Variants in CSMD1 observed in about 807,000 individuals in gnomAD.
CSMD1 encodes CUB and Sushi multiple domains 1.
A neutral mutation model predicts 417.5 loss-of-function variants in CSMD1; 213 were observed. That is an observed-to-expected ratio of 0.51 (90% CI 0.46 to 0.57). The LOEUF is 0.57. Among genes scored for constraint, CSMD1 ranks in the 20% least tolerant of loss-of-function variants. CSMD1 has a pLI of 0.00. For synonymous variants in CSMD1, 2,862 were observed against 1,736.8 expected, an observed-to-expected ratio of 1.65 and a Z score of -16.11; for missense variants, 6,923 against 4,529.7, an observed-to-expected ratio of 1.53 and a Z score of -15.17.
intron 5 of CSMD1, among the ~76,000 whole-genome samples, chr8:3,909,568 C>G (rs867160313): frequency 2.0e-5 from 3 of 152,050 alleles, no homozygotes; most frequent in Admixed American, 6.5e-5. Context: ...AGGTGGGTGC[C>G]TTTTCGTGGC....
intron 1 of CSMD1, among the ~76,000 whole-genome samples, chr8:4,862,636 C>A (rs1802204498): frequency 6.6e-6 from 1 of 151,804 alleles, no homozygotes; most frequent in Admixed American, 6.6e-5. Context: ...AAACAGAAAC[C>A]AAGGAGGACA....
chr8:4,121,495 C>T (rs1039983820), intron 3 of CSMD1, among the ~76,000 whole-genome samples: 2 of 152,028 alleles, frequency 1.3e-5, no homozygotes, highest in Admixed American at 6.6e-5. Flanking sequence ...CTATTTCTCA[C>T]TATAATAATA....
chr8:4,948,689 T>C (rs1382444038), intron 1 of CSMD1, among the ~76,000 whole-genome samples: 1 of 152,206 alleles, frequency 6.6e-6, no homozygotes. Flanking sequence ...TTAAATAATT[T>C]GTGTGTATAA....
At chr8:3,032,577 A>C (rs192366818) in intron 50 of CSMD1, among the ~76,000 whole-genome samples, 100 of 152,146 alleles carry the variant, frequency 6.6e-4, no homozygotes, top group African/African-American at 2.2e-3. Context: ...TCAAATAAAA[A>C]CAGAACATTT....
At chr8:3,238,481 G>A (rs1009495263) in intron 26 of CSMD1, among the ~76,000 whole-genome samples, 1 of 152,000 alleles carries the variant, frequency 6.6e-6, no homozygotes, top group Admixed American at 6.6e-5. Flanking sequence ...AATTTTTGGG[G>A]GTGGTATGGA....
intron 3 of CSMD1, among the ~76,000 whole-genome samples, chr8:4,180,715 C>A (rs999288086): frequency 1.3e-5 from 2 of 152,144 alleles, no homozygotes; most frequent in African/African-American, 4.8e-5. Context: ...TGGAACTCAC[C>A]TTAGAAAAAT....
chr8:4,931,072 C>T (rs1807216076), intron 1 of CSMD1, among the ~76,000 whole-genome samples: 1 of 152,138 alleles, frequency 6.6e-6, no homozygotes, highest in African/African-American at 2.4e-5. Flanking sequence ...TAATAATTGG[C>T]TTGGAAATTC....
At chr8:4,773,887 GCTTT>G (rs1173437379) in intron 1 of CSMD1, among the ~76,000 whole-genome samples, 5 of 152,092 alleles carry the variant, frequency 3.3e-5, no homozygotes, top group Non-Finnish European at 7.4e-5. Context: ...TATTAAATAC[GCTTT>G]CTAACACAAA....
chr8:4,398,159 G>C (rs908771202), intron 3 of CSMD1, among the ~76,000 whole-genome samples: 1 of 152,120 alleles, frequency 6.6e-6, no homozygotes, highest in East Asian at 1.9e-4. Context: ...GTTCTACAAT[G>C]ACAAGTTTCC....
intron 1 of CSMD1, among the ~76,000 whole-genome samples, chr8:4,693,164 C>A (rs1054390800): frequency 4.6e-5 from 7 of 152,200 alleles, no homozygotes; most frequent in Non-Finnish European, 7.3e-5. Context: ...CCTCTTAATT[C>A]CTTAATTTGG....
intron 1 of CSMD1, among the ~76,000 whole-genome samples, chr8:4,815,172 T>G (rs916366236): frequency 1.3e-5 from 2 of 152,118 alleles, no homozygotes; most frequent in Non-Finnish European, 2.9e-5. Flanking sequence ...AATGAATGTC[T>G]CCAGATCAAT....
chr8:3,248,767 A>T (rs1020352039), intron 26 of CSMD1, among the ~76,000 whole-genome samples: 2 of 152,110 alleles, frequency 1.3e-5, no homozygotes, highest in Non-Finnish European at 2.9e-5. Context: ...GCCTTTTGCA[A>T]ACGTGTCCAT....
intron 10 of CSMD1, among the ~76,000 whole-genome samples, chr8:3,531,892 C>A (rs1431498302): frequency 6.6e-6 from 1 of 152,192 alleles, no homozygotes; most frequent in East Asian, 1.9e-4. Flanking sequence ...CTCCCCTAAT[C>A]AGCACATGCA....
At chr8:3,689,209 C>T (rs1403724038) in intron 7 of CSMD1, among the ~76,000 whole-genome samples, 1 of 152,170 alleles carries the variant, frequency 6.6e-6, no homozygotes, top group Admixed American at 6.5e-5. Context: ...CAAGTTCCTA[C>T]ACACCTCCCC....
intron 1 of CSMD1, among the ~76,000 whole-genome samples, chr8:4,826,425 A>G (rs1366340053): frequency 6.6e-6 from 1 of 152,186 alleles, no homozygotes; most frequent in Non-Finnish European, 1.5e-5. Context: ...GCATTGCGCT[A>G]ACTGAAATAA....
intron 3 of CSMD1, among the ~76,000 whole-genome samples, chr8:4,060,606 C>T (rs1010887879): frequency 3.9e-5 from 6 of 152,092 alleles, no homozygotes; most frequent in Admixed American, 1.3e-4. Flanking sequence ...CGGAACTGTC[C>T]CAGCCACCTT....
chr8:3,410,446 G>C (rs1361623710), intron 12 of CSMD1, among the ~76,000 whole-genome samples: 1 of 152,124 alleles, frequency 6.6e-6, no homozygotes, highest in East Asian at 1.9e-4. Flanking sequence ...AATTGATCAT[G>C]GGGGCAGGTC....
intron 1 of CSMD1, among the ~76,000 whole-genome samples, chr8:4,924,373 GAATT>G (rs1371969382): frequency 6.6e-6 from 1 of 151,866 alleles, no homozygotes; most frequent in Non-Finnish European, 1.5e-5. Flanking sequence ...TATTTTTATT[GAATT>G]AAAAACCATC....
At chr8:4,769,989 C>T (rs1013737116) in intron 1 of CSMD1, among the ~76,000 whole-genome samples, 1 of 152,010 alleles carries the variant, frequency 6.6e-6, no homozygotes, top group Non-Finnish European at 1.5e-5. Context: ...GAAACTCTCT[C>T]TCCCTCCCTT....
Sources: gnomAD v4.1 joint callset for allele counts (sites outside exome capture counted in the v4.1 genomes callset) on GRCh38, gnomAD v4.1.1 for gene constraint, MANE v1.5 for transcripts, NCBI Gene and HGNC (gene_info 2026-07-23, HGNC 2026-07-21) for gene names.